Variants in VPS53 observed in about 807,000 individuals in gnomAD.
VPS53 encodes vacuolar protein sorting-associated protein 53 homolog.
VPS53 carries 70 observed loss-of-function variants against 107.0 expected under a neutral mutation model. That is an observed-to-expected ratio of 0.65 (90% CI 0.54 to 0.80). VPS53 has a LOEUF of 0.80. Among genes scored for constraint, VPS53 ranks in the 30% least tolerant of loss-of-function variants. The pLI is 0.00. For missense variants in VPS53, 917 were observed against 1,049.4 expected, an observed-to-expected ratio of 0.87 and a Z score of 1.74; for synonymous variants, 409 against 393.3, an observed-to-expected ratio of 1.04 and a Z score of -0.47.
intron 4 of VPS53, among the ~76,000 whole-genome samples, chr17:670,228 TGGTG>T (rs1345850306): frequency 4.0e-5 from 6 of 151,832 alleles, no homozygotes; most frequent in African/African-American, 7.3e-5. Context: ...AACTGGGCAC[TGGTG>T]AACTGGGCAC....
At chr17:534,782 G>T (rs1417262819) in intron 18 of VPS53, among the ~76,000 whole-genome samples, 1 of 152,236 alleles carries the variant, frequency 6.6e-6, no homozygotes, top group Admixed American at 6.5e-5. Context: ...GCTAGGCCGG[G>T]TGGCGAGCGC....
intron 17 of VPS53, among the ~76,000 whole-genome samples, chr17:551,170 G>A (rs775696489): frequency 9.9e-5 from 15 of 151,956 alleles, no homozygotes; most frequent in Non-Finnish European, 2.1e-4. Flanking sequence ...CATGGTCTGT[G>A]CACTTACGGA....
intron 19 of VPS53, among the ~76,000 whole-genome samples, chr17:529,781 C>T (rs1351567374): frequency 1.3e-5 from 2 of 151,894 alleles, no homozygotes; most frequent in East Asian, 3.9e-4. Flanking sequence ...CCATGGCTCA[C>T]GCCTGTAATC....
chr17:564,877 C>A (rs146893391), intron 13 of VPS53, among the ~76,000 whole-genome samples: 1 of 152,342 alleles, frequency 6.6e-6, no homozygotes. Flanking sequence ...TCCAGCAGAG[C>A]TGCAGTAACT....
chr17:563,601 T>G lies in VPS53; in HGVS notation c.1314-856A>C, dbSNP rs988638659. ...GAGCCACTCACTGCGCCCAGCTCAT[T>G]TACTTTTTACAATAAACTTACATAG... is the stretch of plus-strand genomic sequence containing the variant. On this transcript the variant is annotated intron_variant, in intron 13 of 21. Transcript: ENST00000437048. Among the ~76,000 whole-genome samples, 17 of 152,174 alleles carry G rather than the reference T, an allele frequency of 1.1e-4. 1 individual carries two copies. The highest frequency in any genetic ancestry group is 1.5e-4 in the Non-Finnish European group (10 of 68,024).
At chr17:559,510 C>T (rs1360077390) in intron 15 of VPS53, among the ~76,000 whole-genome samples, 2 of 152,200 alleles carry the variant, frequency 1.3e-5, no homozygotes, top group Admixed American at 6.5e-5. Context: ...TCATGACCTT[C>T]GCAACTCAAC....
intron 13 of VPS53, among the ~76,000 whole-genome samples, chr17:567,278 C>T (rs922953326): frequency 6.6e-6 from 1 of 152,200 alleles, no homozygotes; most frequent in African/African-American, 2.4e-5. Flanking sequence ...AGGATGTCTA[C>T]TCGGTTACTT....
At chr17:526,535 T>C (rs994019796) in intron 19 of VPS53, among the ~76,000 whole-genome samples, 2 of 152,240 alleles carry the variant, frequency 1.3e-5, no homozygotes, top group Admixed American at 6.5e-5. Context: ...GGCGGCTGTC[T>C]GTGCAAAGAC....
chr17:672,175 ATCTC>A (rs10539620), intron 4 of VPS53, among the ~76,000 whole-genome samples: 10,608 of 107,050 alleles, frequency 0.099, 467 homozygotes, highest in East Asian at 0.13. Context: ...CACAATCTCA[ATCTC>A]TCTCTCTCTC....
At chr17:625,190 T>G (rs1160774012) in intron 10 of VPS53, among the ~76,000 whole-genome samples, 1 of 152,030 alleles carries the variant, frequency 6.6e-6, no homozygotes, top group Admixed American at 6.6e-5. Context: ...GGTTTTGCCA[T>G]GTTGCCCAGG....
intron 11 of VPS53, among the ~76,000 whole-genome samples, chr17:618,766 T>A (rs897464364): frequency 6.6e-6 from 1 of 151,072 alleles, no homozygotes; most frequent in African/African-American, 2.4e-5. Context: ...CCGCTAATAT[T>A]TCCCGGGTAA....
At chr17:682,281 C>T (rs911335031) in intron 4 of VPS53, among the ~76,000 whole-genome samples, 9 of 152,218 alleles carry the variant, frequency 5.9e-5, no homozygotes, top group Non-Finnish European at 1.0e-4. Flanking sequence ...GCATGAAACC[C>T]GCTGATCAGC....
At chr17:624,446 G>A (rs1346496876) in intron 10 of VPS53, among the ~76,000 whole-genome samples, 1 of 152,168 alleles carries the variant, frequency 6.6e-6, no homozygotes, top group Non-Finnish European at 1.5e-5. Context: ...TCACTCAAAC[G>A]TTCCATCTCA....
chr17:581,873 A>G (rs572881238), intron 13 of VPS53, among the ~76,000 whole-genome samples: 3 of 147,730 alleles, frequency 2.0e-5, no homozygotes, highest in South Asian at 4.4e-4. Flanking sequence ...ACCTCAGTAC[A>G]TTCGCAGACA....
intron 13 of VPS53, among the ~76,000 whole-genome samples, chr17:570,129 G>T (rs1253180965): frequency 6.6e-6 from 1 of 151,898 alleles, no homozygotes; most frequent in Non-Finnish European, 1.5e-5. Context: ...CACTTTGGGA[G>T]GCCAAGGCGG....
At chr17:607,235 A>G (rs1000546211) in intron 11 of VPS53, among the ~76,000 whole-genome samples, 1 of 152,210 alleles carries the variant, frequency 6.6e-6, no homozygotes, top group South Asian at 2.1e-4. Context: ...TCTATTAACC[A>G]TAAGTGGAGC....
At chr17:662,887 A>AGGC (rs1567720319) in intron 4 of VPS53, among the ~76,000 whole-genome samples, 17 of 119,950 alleles carry the variant, frequency 1.4e-4, no homozygotes, top group African/African-American at 4.7e-4. Flanking sequence ...GGAAGGAAGG[A>AGGC]AGGAAGGCAG....
Position 571,507 on chromosome 17 carries a change from A to C in VPS53, c.1314-8762T>G, listed in dbSNP as rs1460329342. Among the ~76,000 whole-genome samples, 471 of 57,764 alleles carry C rather than the reference A, an allele frequency of 8.2e-3. 4 individuals carry two copies. Among genetic ancestry groups the C allele is most frequent in the Non-Finnish European group, 0.011 (344 of 30,720 alleles). 37.9% of individuals were successfully genotyped at this position (57,764 alleles called of 152,430 possible). On this transcript the variant is annotated intron_variant, in intron 13 of 21. Coordinates refer to ENST00000437048, the MANE Select transcript of VPS53 (RefSeq NM_001128159.3). ...TCTCCTTCTCCCTCTCCCTCTCCCT[A>C]CAGTCTCCCTCTCCCTCTCCCTACG...
chr17:537,237 T>G, intron 17 of VPS53, 61 bp from the exon 18 acceptor site: 2 of 1,579,426 alleles, frequency 1.3e-6, no homozygotes, highest in Non-Finnish European at 8.6e-7. Flanking sequence ...CGCCTGTTAC[T>G]GGGGAAGGGA....
Sources: gnomAD v4.1 joint callset for allele counts (sites outside exome capture counted in the v4.1 genomes callset) on GRCh38, gnomAD v4.1.1 for gene constraint, MANE v1.5 for transcripts, NCBI Gene and HGNC (gene_info 2026-07-23, HGNC 2026-07-21) for gene names.